DGKK: variants seen among roughly 807,000 people sequenced by gnomAD.
DGKK encodes the protein diacylglycerol kinase kappa.
A neutral mutation model predicts 92.2 loss-of-function variants in DGKK; 35 were observed. The ratio of observed to expected loss-of-function variants is 0.38; its 90% CI spans 0.29 to 0.50. The LOEUF (loss-of-function observed/expected upper bound fraction) is 0.50, where lower values mean the gene tolerates loss of function less well. Ranked by LOEUF, DGKK falls within the 20% of genes least tolerant of loss-of-function variation. The pLI is 0.92. For missense variants in DGKK, 910 were observed against 992.2 expected (o/e 0.92, Z 1.11); for synonymous variants, 368 against 360.6 (o/e 1.02, Z -0.23).
At chrX:50,455,455 A>G (rs1291413679) in intron 1 of DGKK, among the ~76,000 whole-genome samples, 2 of 112,322 alleles carry the variant, frequency 1.8e-5, no homozygotes, top group African/African-American at 6.5e-5. Context: ...TTTTACATAC[A>G]GAACAATATA....
chrX:50,423,038 T>C (rs1287374339), intron 2 of DGKK, among the ~76,000 whole-genome samples: 4 of 112,328 alleles, frequency 3.6e-5, no homozygotes, highest in African/African-American at 1.3e-4. Context: ...CAAGGCCGGT[T>C]TCACCAGTAT....
chrX:50,461,113 C>T (rs1277613377), intron 1 of DGKK, among the ~76,000 whole-genome samples: 1 of 111,988 alleles, frequency 8.9e-6, no homozygotes, highest in African/African-American at 3.2e-5. Flanking sequence ...GGAGCAACTG[C>T]AACAATTGTG....
At chrX:50,456,012 A>C (rs1441962915) in intron 1 of DGKK, among the ~76,000 whole-genome samples, 1 of 112,190 alleles carries the variant, frequency 8.9e-6, no homozygotes, top group Non-Finnish European at 1.9e-5. Flanking sequence ...TGACACCCTC[A>C]TATAGTGCAC....
chrX:50,462,882 CTTTTTTT>C (rs548003185), intron 1 of DGKK, among the ~76,000 whole-genome samples: 98 of 15,772 alleles, frequency 6.2e-3, no homozygotes, highest in African/African-American at 0.01. Flanking sequence ...CCTTTCCTTG[CTTTTTTT>C]TTTTTTTTTT....
At chrX:50,418,133 C>T (rs1302908366) in intron 4 of DGKK, among the ~76,000 whole-genome samples, 1 of 111,433 alleles carries the variant, frequency 9.0e-6, no homozygotes, top group African/African-American at 3.3e-5. Flanking sequence ...TTAACTCTTC[C>T]CAGAGGACTC....
intron 20 of DGKK, among the ~76,000 whole-genome samples, chrX:50,379,077 G>T (rs920330632): frequency 8.9e-6 from 1 of 111,999 alleles, no homozygotes; most frequent in East Asian, 2.8e-4. Context: ...AGCACTTTGG[G>T]AGGCCAAGGT....
chrX:50,384,660 T>C (rs1924495797), intron 16 of DGKK, 60 bp downstream of exon 16: 1 of 1,033,221 alleles, frequency 9.7e-7, no homozygotes, highest in African/African-American at 1.9e-5. Flanking sequence ...ATTTATTCTT[T>C]GGGAGCTAAA....
intron 8 of DGKK, among the ~76,000 whole-genome samples, chrX:50,394,100 G>A (rs1924774544): frequency 8.9e-6 from 1 of 112,074 alleles, no homozygotes; most frequent in African/African-American, 3.2e-5. Flanking sequence ...TTGGCAGGGA[G>A]ACAGGCAGTG....
At chrX:50,375,497 G>A (rs373061959) in intron 24 of DGKK, among the ~76,000 whole-genome samples, 25 of 111,610 alleles carry the variant, frequency 2.2e-4, no homozygotes, top group African/African-American at 7.8e-4. Context: ...CTGTAATCAG[G>A]CCCTGACACA....
At position 50,445,396 on chromosome X, in the gene DGKK, G is replaced by A. The variant is rs146398139; in HGVS notation, c.646-21038C>T. Reference sequence around the variant, plus strand: ...ATGGTATTGCCTAGTTTGTCTTCCAGGGATTTTATAGTTTTGGGTTTTACA... The same window carrying A: ...ATGGTATTGCCTAGTTTGTCTTCCAAGGATTTTATAGTTTTGGGTTTTACA... On this transcript the variant is annotated intron_variant, in intron 1 of 27. Coordinates refer to ENST00000611977, the MANE Select transcript of DGKK (RefSeq NM_001013742.4). 7.4e-3 allele frequency among the ~76,000 whole-genome samples: 822 copies of A among 110,644 alleles called. 2 individuals are homozygous for A. Among genetic ancestry groups the A allele is most frequent in the Non-Finnish European group, 0.012 (611 of 52,772 alleles).
At chrX:50,371,955 C>T (rs1048233661) in intron 25 of DGKK, 121 bp from the exon 26 acceptor site, 3 of 429,547 alleles carry the variant, frequency 7.0e-6, no homozygotes, top group Non-Finnish European at 1.2e-5. Flanking sequence ...AACTTGTATC[C>T]CTTTGGCCCA....
In DGKK at chrX:50,461,969, C is replaced by T. The variant is rs782718145; in HGVS notation, c.645+8065G>A. ...TGGATCACCTCCATTACTGAGTTGG[C>T]GAAGGGTCCTTCCCTGTTAGGTAGG... On this transcript the variant is annotated intron_variant, in intron 1 of 27. Transcript: ENST00000611977. 8.1e-5 allele frequency among the ~76,000 whole-genome samples: 9 copies of T among 111,129 alleles called. No individual in the cohort carries two copies. The South Asian group carries it at 1.2e-3, about 14-fold the overall frequency.
chrX:50,373,695 T>A (rs1260581522), intron 25 of DGKK, among the ~76,000 whole-genome samples: 1 of 112,170 alleles, frequency 8.9e-6, no homozygotes, highest in Non-Finnish European at 1.9e-5. Context: ...AGGAAATAGA[T>A]GCACTTCTGC....
intron 1 of DGKK, among the ~76,000 whole-genome samples, chrX:50,433,812 C>A (rs1403354045): frequency 1.8e-5 from 2 of 111,208 alleles, no homozygotes; most frequent in African/African-American, 6.5e-5. Context: ...GCAGTAGTTG[C>A]TGCTTGCCTA....
At chrX:50,386,102 A>G (rs1223361615) in intron 15 of DGKK, among the ~76,000 whole-genome samples, 5 of 111,635 alleles carry the variant, frequency 4.5e-5, no homozygotes, top group Non-Finnish European at 9.4e-5. Flanking sequence ...ATTGTATAGG[A>G]TGAGTGTTGG....
intron 4 of DGKK, among the ~76,000 whole-genome samples, chrX:50,407,361 A>G (rs1557227381): frequency 8.9e-6 from 1 of 111,932 alleles, no homozygotes; most frequent in Non-Finnish European, 1.9e-5. Flanking sequence ...ACAGCTGGAA[A>G]GTCCAAGATC....
intron 1 of DGKK, among the ~76,000 whole-genome samples, chrX:50,441,124 C>T (rs1235327791): frequency 9.0e-6 from 1 of 110,798 alleles, no homozygotes; most frequent in Non-Finnish European, 1.9e-5. Flanking sequence ...CTATTTTTAC[C>T]CAGGAGTAGC....
rs782341862 is a variant in DGKK at position 50,376,814 on chromosome X, G to A, written c.3216C>T (p.Asp1072=). 6 of 1,207,603 alleles carry A rather than the reference G, an allele frequency of 5.0e-6. No individual in the cohort carries two copies. Among genetic ancestry groups the A allele is most frequent in the East Asian group, 3.0e-5 (1 of 33,729 alleles). ...DFQDSQESLS[D]EEYAQMQHLA... ...AGTGCTGCATCTGGGCATACTCCTC[G>A]TCAGAGAGGCTCTCTTGAGAGTCCT... is the stretch of plus-strand genomic sequence containing the variant. Residue 1072 remains aspartate, a synonymous_variant, in exon 23 of 28, where the codon GAC becomes GAT. Transcript: ENST00000611977.
intron 1 of DGKK, among the ~76,000 whole-genome samples, chrX:50,434,582 C>A (rs1387729072): frequency 9.1e-6 from 1 of 110,440 alleles, no homozygotes; most frequent in African/African-American, 3.3e-5. Context: ...TTTCACCCAG[C>A]AGGAAAAGCC....
Sources: gnomAD v4.1 joint callset for allele counts (sites outside exome capture counted in the v4.1 genomes callset) on GRCh38, gnomAD v4.1.1 for gene constraint, MANE v1.5 for transcripts, NCBI Gene and HGNC (gene_info 2026-07-23, HGNC 2026-07-21) for gene names.